The following TMEM163 variants were observed in gnomAD, a reference collection of about 807,000 sequenced individuals.
TMEM163 encodes transmembrane protein 163.
Under a neutral mutation model 29.3 loss-of-function variants are expected in TMEM163, and 17 were observed. The observed-to-expected ratio is 0.58, with a 90% CI of 0.40 to 0.87. The LOEUF (loss-of-function observed/expected upper bound fraction) is 0.87, where lower values mean the gene tolerates loss of function less well. TMEM163 is among the 40% of genes least tolerant of loss of function. The pLI, the probability that TMEM163 is intolerant of heterozygous loss-of-function variation, is 0.00. For missense variants in TMEM163, 303 were observed against 381.5 expected, an observed-to-expected ratio of 0.79 and a Z score of 1.71; for synonymous variants, 157 against 160.6, an observed-to-expected ratio of 0.98 and a Z score of 0.17.
At chr2:134,557,191 G>C (rs1681065925) in intron 2 of TMEM163, among the ~76,000 whole-genome samples, 1 of 152,224 alleles carries the variant, frequency 6.6e-6, no homozygotes, top group Admixed American at 6.5e-5. Context: ...AGTTACGAGA[G>C]ATAATTCGGG....
chr2:134,505,005 A>C (rs680376), intron 4 of TMEM163, among the ~76,000 whole-genome samples: 60,547 of 151,958 alleles, frequency 0.4, 12,267 homozygotes, highest in South Asian at 0.59. Flanking sequence ...AGGGACCTGG[A>C]GTAACCATTC....
At chr2:134,649,044 ATT>A (rs1683404484) in intron 2 of TMEM163, among the ~76,000 whole-genome samples, 1 of 152,242 alleles carries the variant, frequency 6.6e-6, no homozygotes, top group African/African-American at 2.4e-5. Flanking sequence ...TGGAGACATA[ATT>A]CTCAGACCTG....
intron 2 of TMEM163, among the ~76,000 whole-genome samples, chr2:134,561,568 C>A (rs1408319429): frequency 6.6e-6 from 1 of 152,148 alleles, no homozygotes; most frequent in Non-Finnish European, 1.5e-5. Flanking sequence ...CCAGGATGGT[C>A]TCGATCTCCT....
At position 134,679,245 on chromosome 2, in the gene TMEM163, G is replaced by A. The variant is rs181343806; in HGVS notation, c.322+33955C>T. ...TTAACAATCAGCGGAGCCATGCTGG[G>A]GCGCACTCACTGAACAGCAGCCCTG... is the stretch of plus-strand genomic sequence containing the variant. On this transcript the variant is annotated intron_variant, in intron 2 of 7. Coordinates refer to ENST00000281924, the MANE Select transcript of TMEM163 (RefSeq NM_030923.5). Among the ~76,000 whole-genome samples, 8 of 152,304 alleles carry A rather than the reference G, an allele frequency of 5.3e-5. No homozygotes were observed. In the East Asian group the frequency reaches 1.4e-3, roughly 26 times the overall value.
In TMEM163 at chr2:134,456,719, C is replaced by T. The variant is rs777239467; in HGVS notation, c.867G>A (p.Glu289=). Residue 289 remains glutamate (E), a synonymous_variant, in exon 8 of 8, where the codon GAG becomes GAA. Transcript: ENST00000281924. The part of the protein sequence containing the change: ...VRQTRHYEMF[E] ...CTCATGCGGATGCTGGCCCCCTTCA[C>T]TCAAACATCTCGTAGTGACGTGTCT... 3.7e-6 allele frequency: 6 copies of T among 1,614,100 alleles called. No homozygotes were observed. The South Asian group carries it at 6.6e-5, about 18-fold the overall frequency.
intron 2 of TMEM163, among the ~76,000 whole-genome samples, chr2:134,585,663 AC>A (rs1397616304): frequency 6.6e-6 from 1 of 150,810 alleles, no homozygotes; most frequent in Non-Finnish European, 1.5e-5. Flanking sequence ...GATGGCGTGA[AC>A]CCGGGAGGCG....
intron 2 of TMEM163, among the ~76,000 whole-genome samples, chr2:134,554,048 CT>C (rs917073057): frequency 2.0e-5 from 3 of 152,156 alleles, no homozygotes; most frequent in Non-Finnish European, 4.4e-5. Flanking sequence ...TAGCTGTGTG[CT>C]TTTTGTGGGT....
intron 2 of TMEM163, among the ~76,000 whole-genome samples, chr2:134,629,011 C>T (rs6430527): frequency 0.82 from 125,455 of 152,250 alleles, 53,030 homozygotes; most frequent in African/African-American, 0.96. Flanking sequence ...AGATGATCAG[C>T]TAGTTGCAAA....
rs1574276418 is a variant in TMEM163, at chr2:134,607,112, C to A, written c.323-55021G>T. On this transcript the variant is annotated intron_variant, in intron 2 of 7. Transcript: ENST00000281924. Reference sequence around the variant, plus strand: ...GAACTGTGCTGGTGAAAAGGACAGACCCCGAGAACTGTGCTGGTGAAAAGG... The same window carrying A: ...GAACTGTGCTGGTGAAAAGGACAGAACCCGAGAACTGTGCTGGTGAAAAGG... 2.3e-5 allele frequency among the ~76,000 whole-genome samples: 3 copies of A among 131,598 alleles called. No individual in the cohort carries two copies. In the East Asian group the frequency reaches 7.1e-4, roughly 31 times the overall value. The allele number at this position is 131,598 out of a possible 152,430, so 86.3% of individuals were successfully genotyped here.
At chr2:134,485,714 G>A (rs1158015564) in intron 5 of TMEM163, among the ~76,000 whole-genome samples, 1 of 152,168 alleles carries the variant, frequency 6.6e-6, no homozygotes, top group Non-Finnish European at 1.5e-5. Context: ...CCTGCAAAAT[G>A]CCTATATATT....
chr2:134,555,720 G>A (rs1681035097), intron 2 of TMEM163, among the ~76,000 whole-genome samples: 1 of 152,248 alleles, frequency 6.6e-6, no homozygotes, highest in South Asian at 2.1e-4. Flanking sequence ...CTCTTTCTCT[G>A]CTGGCTTTTA....
At chr2:134,620,843 C>T (rs1261880687) in intron 2 of TMEM163, among the ~76,000 whole-genome samples, 1 of 152,038 alleles carries the variant, frequency 6.6e-6, no homozygotes, top group South Asian at 2.1e-4. Context: ...TGAGTAACAG[C>T]ACTAAATGTA....
At chr2:134,518,671 C>T (rs367871541) in intron 4 of TMEM163, among the ~76,000 whole-genome samples, 95 of 152,134 alleles carry the variant, frequency 6.2e-4, no homozygotes, top group African/African-American at 2.0e-3. Flanking sequence ...CAATTCAGCA[C>T]GGTATAGACT....
At chr2:134,563,230 T>C (rs144173602) in intron 2 of TMEM163, among the ~76,000 whole-genome samples, 35 of 152,340 alleles carry the variant, frequency 2.3e-4, no homozygotes, top group African/African-American at 8.4e-4. Flanking sequence ...TCTTCTCTTA[T>C]ATTCAAGGCA....
intron 2 of TMEM163, among the ~76,000 whole-genome samples, chr2:134,597,439 C>T (rs1442134434): frequency 6.6e-6 from 1 of 152,178 alleles, no homozygotes; most frequent in South Asian, 2.1e-4. Context: ...TATGTTGAAC[C>T]TGCCTTGCAT....
At chr2:134,530,829 G>A (rs909112878) in intron 4 of TMEM163, among the ~76,000 whole-genome samples, 6 of 151,884 alleles carry the variant, frequency 4.0e-5, no homozygotes, top group Non-Finnish European at 7.4e-5. Flanking sequence ...ATATATTTTC[G>A]CCCACAATAA....
At chr2:134,685,390 A>G (rs1405338627) in intron 2 of TMEM163, among the ~76,000 whole-genome samples, 1 of 152,206 alleles carries the variant, frequency 6.6e-6, no homozygotes, top group Non-Finnish European at 1.5e-5. Flanking sequence ...CAACAAACCA[A>G]TAATTGGATC....
chr2:134,587,024 G>A lies in TMEM163; in HGVS notation c.323-34933C>T, dbSNP rs190818345. On this transcript the variant is annotated intron_variant, in intron 2 of 7. Coordinates refer to ENST00000281924, the MANE Select transcript of TMEM163 (RefSeq NM_030923.5). ...TAATTAGGGTAAATCTTGGACTTAA[G>A]ATCTCATCTGTGAGTCCTGAGAAGC... Among the ~76,000 whole-genome samples, 459 of 152,140 alleles carry A rather than the reference G, an allele frequency of 3.0e-3. 1 individual carries two copies. Among genetic ancestry groups the A allele is most frequent in the Middle Eastern group, 6.8e-3 (2 of 294 alleles).
chr2:134,713,468 G>C, intron 1 of TMEM163, 149 bp from the exon 2 acceptor site: 1 of 1,139,082 alleles, frequency 8.8e-7, no homozygotes, highest in South Asian at 1.3e-5. Flanking sequence ...TTAACAATTA[G>C]ATTTCACATG....
Sources: gnomAD v4.1 joint callset for allele counts (sites outside exome capture counted in the v4.1 genomes callset) on GRCh38, gnomAD v4.1.1 for gene constraint, MANE v1.5 for transcripts, NCBI Gene and HGNC (gene_info 2026-07-23, HGNC 2026-07-21) for gene names.